Variants in CCDC93 observed in about 807,000 individuals in gnomAD.
CCDC93 encodes CCC complex scaffolding subunit CCDC93.
In CCDC93, 61 loss-of-function variants were observed where a neutral mutation model predicts 108.2. That is an observed-to-expected ratio of 0.56 (90% CI 0.46 to 0.70). The LOEUF (loss-of-function observed/expected upper bound fraction) is 0.70, where lower values mean the gene tolerates loss of function less well. CCDC93 is among the 30% of genes least tolerant of loss of function. The probability of loss-of-function intolerance (pLI) is 0.00; values close to 1 mark genes in which losing one functional copy is unlikely to be tolerated. For synonymous variants in CCDC93, 276 were observed against 260.4 expected, an observed-to-expected ratio of 1.06 and a Z score of -0.58; for missense variants, 685 against 764.2, an observed-to-expected ratio of 0.90 and a Z score of 1.22.
chr2:117,915,858 CAT>C lies in CCDC93; in HGVS notation c.*4483_*4484del, dbSNP rs1677667567. The C allele has an allele frequency of 9.2e-5, 14 of 152,324 alleles. No homozygotes were observed. In the South Asian group the frequency reaches 1.0e-3, roughly 11 times the overall value. The allele number at this position is 152,324 out of a possible 1,614,324, so 9.4% of individuals were successfully genotyped here. ...GGGCTTTTTTCCTCACTTAATCATG[CAT>C]CTTGGGGCCCATTCTATGGTAGTAC... On this transcript the variant is annotated 3_prime_UTR_variant, in exon 24 of 24. Coordinates refer to ENST00000376300, the MANE Select transcript of CCDC93 (RefSeq NM_019044.5).
At position 117,942,329 on chromosome 2, in the gene CCDC93, C is replaced by T. The variant is rs978271758; in HGVS notation, c.1414-1032G>A. On this transcript the variant is annotated intron_variant, in intron 18 of 23. Transcript: ENST00000376300. ...ACTCCTTAAAAAGCCCTTCTTTAAT[C>T]GCCATCACCTTTCAGCTACCAGCCT... 3.3e-5 allele frequency among the ~76,000 whole-genome samples: 5 copies of T among 152,262 alleles called. No homozygotes were observed. In the East Asian group the frequency reaches 9.7e-4, roughly 29 times the overall value.
At position 118,008,637 on chromosome 2, in the gene CCDC93, C is replaced by T; in HGVS notation, c.64G>A (p.Glu22Lys). 3 of 1,612,036 alleles carry T rather than the reference C, an allele frequency of 1.9e-6. No individual in the cohort carries two copies. The highest frequency in any genetic ancestry group is 2.5e-6 in the Non-Finnish European group (3 of 1,178,454). Residue 22 changes from glutamate (E) to lysine (K), a missense_variant, in exon 2 of 24, where the codon GAA becomes AAA. Transcript: ENST00000376300. Reference sequence around the variant, plus strand: ...ATTTCAGTCAACTTGACATTTTGTTCTTCATCTTCTCTTGTTTCCACCTAA... The same window carrying T: ...ATTTCAGTCAACTTGACATTTTGTTTTTCATCTTCTCTTGTTTCCACCTAA... The part of the protein sequence containing the change: ...LPEVETREDE[E>K]QNVKLTEILE...
At chr2:118,009,911 TTTG>T in intron 1 of CCDC93, among the ~76,000 whole-genome samples, 1 of 152,212 alleles carries the variant, frequency 6.6e-6, no homozygotes, top group Non-Finnish European at 1.5e-5. Context: ...TTGCTTTTTT[TTTG>T]TTTTTTTGTT....
intron 23 of CCDC93, among the ~76,000 whole-genome samples, chr2:117,928,519 T>C (rs1394956862): frequency 1.3e-5 from 2 of 152,202 alleles, no homozygotes; most frequent in Non-Finnish European, 2.9e-5. Flanking sequence ...GTGCTCATCA[T>C]CACTGGCCAT....
intron 11 of CCDC93, among the ~76,000 whole-genome samples, chr2:117,968,678 A>C (rs1216711096): frequency 6.6e-6 from 1 of 152,204 alleles, no homozygotes; most frequent in Admixed American, 6.5e-5. Flanking sequence ...TTTATATCCC[A>C]GTGCCTGTGA....
chr2:118,013,555 G>A (rs764937858), intron 1 of CCDC93, among the ~76,000 whole-genome samples: 13 of 152,258 alleles, frequency 8.5e-5, no homozygotes, highest in Non-Finnish European at 1.8e-4. Flanking sequence ...CTCGGAGAGC[G>A]GTCTCGTGAC....
intron 10 of CCDC93, among the ~76,000 whole-genome samples, chr2:117,974,317 G>A (rs936531245): frequency 6.6e-6 from 1 of 152,098 alleles, no homozygotes; most frequent in Non-Finnish European, 1.5e-5. Flanking sequence ...GCCTGCAGGG[G>A]ATTTGGCAGG....
At chr2:117,956,400 T>C (rs1679218529) in intron 12 of CCDC93, among the ~76,000 whole-genome samples, 1 of 152,172 alleles carries the variant, frequency 6.6e-6, no homozygotes, top group African/African-American at 2.4e-5. Context: ...CTGCCATTTG[T>C]GTTGAGGCTT....
intron 18 of CCDC93, among the ~76,000 whole-genome samples, chr2:117,943,535 C>A (rs1558775054): frequency 6.6e-6 from 1 of 152,194 alleles, no homozygotes; most frequent in Non-Finnish European, 1.5e-5. Flanking sequence ...CCTTTCCCTC[C>A]CAGGGAACAG....
At chr2:117,935,098 G>A (rs1318159214) in intron 22 of CCDC93, among the ~76,000 whole-genome samples, 2 of 152,234 alleles carry the variant, frequency 1.3e-5, no homozygotes, top group Admixed American at 6.5e-5. Context: ...CTCTTGTGGC[G>A]GAATGTCAGG....
chr2:117,950,668 G>C (rs1679023342), intron 13 of CCDC93: 1 of 985,298 alleles, frequency 1.0e-6, no homozygotes, highest in Non-Finnish European at 1.2e-6. Flanking sequence ...AACCTTGATA[G>C]GTAAGGAGAA....
At chr2:118,006,644 C>A in intron 3 of CCDC93, 78 bp downstream of exon 3, 1 of 813,590 alleles carries the variant, frequency 1.2e-6, no homozygotes, top group Non-Finnish European at 2.1e-6. Flanking sequence ...AAGTGTCCAA[C>A]CAACTTCTGG....
At chr2:117,929,943 T>C (rs994162620) in intron 23 of CCDC93, among the ~76,000 whole-genome samples, 8 of 152,238 alleles carry the variant, frequency 5.3e-5, no homozygotes, top group African/African-American at 1.9e-4. Context: ...TGTTATGACT[T>C]GTTCTTAGCT....
Position 117,925,599 on chromosome 2 carries a change from C to T in CCDC93, c.1843-5203G>A, listed in dbSNP as rs531231810. Among the ~76,000 whole-genome samples the T allele has an allele frequency of 3.1e-3, 478 of 152,280 alleles. 5 individuals are homozygous for T. Among genetic ancestry groups the T allele is most frequent in the African/African-American group, 0.011 (457 of 41,552 alleles). On this transcript the variant is annotated intron_variant, in intron 23 of 23. Coordinates refer to ENST00000376300, the MANE Select transcript of CCDC93 (RefSeq NM_019044.5). The stretch of plus-strand genomic sequence containing the variant: ...ATCCTGAATATATATGCACCCAATA[C>T]AGGAGCACCCAGATTCATAAAGCAA...
At position 117,927,911 on chromosome 2, in the gene CCDC93, G is replaced by T. The variant is rs1678177981; in HGVS notation, c.1842+3126C>A. 2.0e-5 allele frequency among the ~76,000 whole-genome samples: 3 copies of T among 152,054 alleles called. No homozygotes were observed. The South Asian group carries it at 6.2e-4, about 32-fold the overall frequency. On this transcript the variant is annotated intron_variant, in intron 23 of 23. Coordinates refer to ENST00000376300, the MANE Select transcript of CCDC93 (RefSeq NM_019044.5). ...AGCATGGTACTGGTACCAAAACAGA[G>T]ATATAGACCAATGGAACAGAACAGA...
chr2:117,932,846 C>A (rs1678392610), intron 22 of CCDC93, among the ~76,000 whole-genome samples: 1 of 152,226 alleles, frequency 6.6e-6, no homozygotes, highest in African/African-American at 2.4e-5. Context: ...GACATCTTTT[C>A]TGCTGCACTG....
chr2:117,922,530 C>T (rs1306567817), intron 23 of CCDC93, among the ~76,000 whole-genome samples: 1 of 152,128 alleles, frequency 6.6e-6, no homozygotes, highest in Non-Finnish European at 1.5e-5. Flanking sequence ...AGTATCATGA[C>T]CTGATGGCGC....
intron 16 of CCDC93, 118 bp downstream of exon 16, chr2:117,946,693 T>A: frequency 1.5e-6 from 1 of 685,172 alleles, no homozygotes; most frequent in Non-Finnish European, 2.6e-6. Context: ...GGAAAACAGT[T>A]GAGGAATGTC....
chr2:117,956,613 G>A (rs776692918), intron 12 of CCDC93, among the ~76,000 whole-genome samples: 2 of 152,116 alleles, frequency 1.3e-5, no homozygotes, highest in Non-Finnish European at 2.9e-5. Flanking sequence ...CACCAGCAGG[G>A]GTCAGGAGTA....
Sources: gnomAD v4.1 joint callset for allele counts (sites outside exome capture counted in the v4.1 genomes callset) on GRCh38, gnomAD v4.1.1 for gene constraint, MANE v1.5 for transcripts, NCBI Gene and HGNC (gene_info 2026-07-23, HGNC 2026-07-21) for gene names.